Variants in SHPRH observed in about 807,000 individuals in gnomAD.
SHPRH encodes the protein SNF2 histone linker PHD RING helicase.
Under a neutral mutation model 202.5 loss-of-function variants are expected in SHPRH, and 106 were observed. The ratio of observed to expected loss-of-function variants is 0.52; its 90% CI spans 0.45 to 0.62. The LOEUF is 0.62. SHPRH is among the 20% of genes least tolerant of loss of function. The pLI is 0.00. For missense variants in SHPRH, 1,710 were observed against 2,020.0 expected (o/e 0.85, Z 2.94); for synonymous variants, 729 against 686.0 (o/e 1.06, Z -0.98).
At chr6:145,890,168 A>C (rs1310062965) in intron 28 of SHPRH, among the ~76,000 whole-genome samples, 2 of 152,192 alleles carry the variant, frequency 1.3e-5, no homozygotes, top group Non-Finnish European at 2.9e-5. Context: ...AGCCACACAG[A>C]AGCAGCAGTG....
At chr6:145,910,695 A>G (rs753526762) in intron 24 of SHPRH, 59 bp from the exon 25 acceptor site, 33 of 1,424,874 alleles carry the variant, frequency 2.3e-5, no homozygotes, top group Non-Finnish European at 2.1e-5. Flanking sequence ...ATTTATAAGC[A>G]TATTAAAAAG....
Position 145,943,622 on chromosome 6 carries a change from C to CT in SHPRH, c.1758dup (p.Gly587ArgfsTer19). 6.2e-7 allele frequency: 1 copy of CT among 1,613,694 alleles called. No homozygotes were observed. Among genetic ancestry groups the CT allele is most frequent in the Non-Finnish European group, 8.5e-7 (1 of 1,179,828 alleles). On this transcript the variant is annotated frameshift_variant, in exon 9 of 30. Transcript: ENST00000275233. LOFTEE classifies it high-confidence loss of function. ...GGATTGATAAATGGTTGACTTTTTC[C>CT]TTTTTTTGTGGATGGAACAAGCTTT...
At chr6:145,938,894 C>A (rs1786419582) in intron 11 of SHPRH, among the ~76,000 whole-genome samples, 1 of 152,044 alleles carries the variant, frequency 6.6e-6, no homozygotes, top group South Asian at 2.1e-4. Flanking sequence ...ATTTGACATC[C>A]CAAGTAGATG....
At chr6:145,869,938 CTAAGGT>C (rs1779980291) in intron 2 of SHPRH, among the ~76,000 whole-genome samples, 2 of 151,374 alleles carry the variant, frequency 1.3e-5, no homozygotes, top group African/African-American at 4.8e-5. Flanking sequence ...TTGGGAAGAA[CTAAGGT>C]CTTGAGAATA....
intron 23 of SHPRH, among the ~76,000 whole-genome samples, chr6:145,913,800 T>A (rs1490594302): frequency 6.6e-6 from 1 of 152,108 alleles, no homozygotes; most frequent in Non-Finnish European, 1.5e-5. Context: ...ATATCCCTAA[T>A]CCAAAATCTG....
At chr6:145,930,872 T>A (rs1785366981) in intron 14 of SHPRH, among the ~76,000 whole-genome samples, 3 of 152,192 alleles carry the variant, frequency 2.0e-5, no homozygotes, top group African/African-American at 4.8e-5. Context: ...CAGTTTTTAG[T>A]ATTTATTTTG....
chr6:145,874,546 G>C (rs1364013704), intron 2 of SHPRH, among the ~76,000 whole-genome samples: 2 of 151,938 alleles, frequency 1.3e-5, no homozygotes, highest in Non-Finnish European at 2.9e-5. Context: ...GTAATGTTTT[G>C]ATATACATAT....
chr6:145,921,469 G>T, intron 20 of SHPRH, 77 bp from the exon 21 acceptor site: 1 of 1,364,328 alleles, frequency 7.3e-7, no homozygotes. Flanking sequence ...AGTTCTAAAA[G>T]AACATGTTTG....
chr6:145,878,635 A>G (rs1780414034), intron 2 of SHPRH, among the ~76,000 whole-genome samples: 1 of 152,118 alleles, frequency 6.6e-6, no homozygotes, highest in Non-Finnish European at 1.5e-5. Flanking sequence ...GTTGACTATC[A>G]CTTTTTAAGG....
intron 26 of SHPRH, 72 bp from the exon 27 acceptor site, chr6:145,894,308 A>G: frequency 8.7e-7 from 1 of 1,152,912 alleles, no homozygotes; most frequent in Non-Finnish European, 1.2e-6. Context: ...TGAAAAGGAA[A>G]TAAATCAAAA....
intron 6 of SHPRH, 35 bp downstream of exon 6, chr6:145,947,458 C>T (rs1338221656): frequency 8.7e-6 from 14 of 1,602,400 alleles, no homozygotes; most frequent in Non-Finnish European, 1.2e-5. Context: ...GAACATATGT[C>T]CCCTGCTTTT....
chr6:145,902,691 A>T (rs1468537107), intron 25 of SHPRH, among the ~76,000 whole-genome samples: 1 of 152,138 alleles, frequency 6.6e-6, no homozygotes, highest in Non-Finnish European at 1.5e-5. Flanking sequence ...TGGTGTAGAA[A>T]GATACACTGT....
At chr6:145,939,141 C>T (rs1040517429) in intron 11 of SHPRH, among the ~76,000 whole-genome samples, 1 of 151,978 alleles carries the variant, frequency 6.6e-6, no homozygotes, top group African/African-American at 2.4e-5. Context: ...CATGAGCAGG[C>T]TAACATTCCT....
At chr6:145,861,477 A>G (rs1396026617), downstream of SHPRH, among the ~76,000 whole-genome samples, 1 of 152,164 alleles carries the variant, frequency 6.6e-6, no homozygotes, top group Non-Finnish European at 1.5e-5. Context: ...GAGAAAAGGA[A>G]TTCTGTACAC....
chr6:145,883,935 A>G (rs1331698997), downstream of SHPRH: 2 of 152,198 alleles, frequency 1.3e-5, no homozygotes, highest in African/African-American at 4.8e-5. Context: ...GCCTGAGGTT[A>G]TTCAGCACGG....
chr6:145,871,032 C>G (rs1212925306), intron 2 of SHPRH: 1 of 152,146 alleles, frequency 6.6e-6, no homozygotes, highest in East Asian at 1.9e-4. Flanking sequence ...TCTCAATAAA[C>G]TAGGTATTGA....
rs367552175 is a variant in SHPRH, at chr6:145,926,188, T to A, written c.3294+16A>T. On this transcript the variant is annotated intron_variant, in intron 16 of 29. Coordinates refer to ENST00000275233, the MANE Select transcript of SHPRH (RefSeq NM_001042683.3). ...AGAAAATATACTTTTATAGACAGAA[T>A]GAAAAAAATAATTACCTCTTCCTCA... 1.2e-6 allele frequency: 2 copies of A among 1,608,994 alleles called. No homozygotes were observed. The highest frequency in any genetic ancestry group is 1.7e-6 in the Non-Finnish European group (2 of 1,176,054).
In SHPRH at chr6:145,924,850, T is replaced by A; in HGVS notation, c.3295-4A>T. 2 of 1,609,478 alleles carry A rather than the reference T, an allele frequency of 1.2e-6. No individual in the cohort carries two copies. The highest frequency in any genetic ancestry group is 1.3e-5 in the African/African-American group (1 of 74,870). On this transcript the variant is annotated splice_polypyrimidine_tract_variant and splice_region_variant and intron_variant, in intron 16 of 29. Coordinates refer to ENST00000275233, the MANE Select transcript of SHPRH (RefSeq NM_001042683.3). ...AGTGCTCTCGCAGCTGTTTGGCCTG[T>A]GTTGAAACAGAGAATATAAACTTTC...
In SHPRH at chr6:145,947,487, T is replaced by A. The variant is rs9386141; in HGVS notation, c.1212+6A>T. 927,008 of 1,611,374 alleles carry A rather than the reference T, an allele frequency of 0.58. 269,202 individuals carry two copies. Among genetic ancestry groups the A allele is most frequent in the Admixed American group, 0.74 (44,107 of 59,766 alleles). ...TGCTTTTGCAAGCCCTACTATACCC[T>A]CCTACCTCGGGAAGAGTGAGAGCAT... On this transcript the variant is annotated splice_donor_region_variant and intron_variant, in intron 6 of 29. Transcript: ENST00000275233.
Sources: allele counts gnomAD v4.1 joint callset (sites outside exome capture counted in the v4.1 genomes callset), GRCh38; gene constraint gnomAD v4.1.1; transcripts MANE v1.5; gene names NCBI Gene and HGNC (gene_info 2026-07-23, HGNC 2026-07-21).